Variants in CLINT1 observed in about 807,000 individuals in gnomAD.
CLINT1 encodes clathrin interacting protein localized in the trans-Golgi region.
A neutral mutation model predicts 70.4 loss-of-function variants in CLINT1; 15 were observed. The ratio of observed to expected loss-of-function variants is 0.21; its 90% CI spans 0.14 to 0.33. The LOEUF (loss-of-function observed/expected upper bound fraction) is 0.33, where lower values mean the gene tolerates loss of function less well. Among genes scored for constraint, CLINT1 ranks in the 10% least tolerant of loss-of-function variants. The pLI is 1.00. For missense variants in CLINT1, 615 were observed against 778.1 expected, an observed-to-expected ratio of 0.79 and a Z score of 2.49; for synonymous variants, 227 against 254.7, an observed-to-expected ratio of 0.89 and a Z score of 1.04.
intron 1 of CLINT1, among the ~76,000 whole-genome samples, chr5:157,823,059 T>C (rs546207432): frequency 3.9e-5 from 6 of 152,222 alleles, no homozygotes; most frequent in Non-Finnish European, 7.3e-5. Context: ...ATATTTTTTA[T>C]ATGGTTTCTC....
intron 1 of CLINT1, among the ~76,000 whole-genome samples, chr5:157,838,306 A>G (rs1002355621): frequency 2.2e-4 from 34 of 152,026 alleles, no homozygotes; most frequent in African/African-American, 8.2e-4. Context: ...TATTTTTAGT[A>G]AAGTCTGGGT....
intron 1 of CLINT1, among the ~76,000 whole-genome samples, chr5:157,831,047 AAAAC>A (rs138591407): frequency 0.13 from 20,126 of 151,394 alleles, 1,739 homozygotes; most frequent in African/African-American, 0.25. Context: ...CTGTCTCAAA[AAAAC>A]AAACAAACAA....
At chr5:157,829,619 G>A (rs1763156842) in intron 1 of CLINT1, among the ~76,000 whole-genome samples, 1 of 151,356 alleles carries the variant, frequency 6.6e-6, no homozygotes, top group South Asian at 2.1e-4. Context: ...ACCTCCCTGG[G>A]CTCAGGAGAT....
chr5:157,838,373 T>A (rs561920408), intron 1 of CLINT1, among the ~76,000 whole-genome samples: 59 of 152,230 alleles, frequency 3.9e-4, no homozygotes, highest in Non-Finnish European at 6.3e-4. Flanking sequence ...TCCACCTGCC[T>A]CGGCCTCCCA....
intron 1 of CLINT1, among the ~76,000 whole-genome samples, chr5:157,850,812 A>G (rs1753547364): frequency 6.6e-6 from 1 of 151,896 alleles, no homozygotes; most frequent in Non-Finnish European, 1.5e-5. Context: ...AAATTTTTTT[A>G]GAGACAAAGT....
chr5:157,789,952 G>A (rs1761850890), intron 10 of CLINT1: 1 of 191,008 alleles, frequency 5.2e-6, no homozygotes, highest in Admixed American at 5.4e-5. Flanking sequence ...TGTAATCCCA[G>A]CACTTTGGGA....
At chr5:157,848,525 G>C (rs1466109114) in intron 1 of CLINT1, among the ~76,000 whole-genome samples, 3 of 149,872 alleles carry the variant, frequency 2.0e-5, no homozygotes, top group Non-Finnish European at 4.4e-5. Context: ...TTTTTTTGAG[G>C]TGGAGTCTCA....
intron 1 of CLINT1, among the ~76,000 whole-genome samples, chr5:157,840,014 C>T (rs773361482): frequency 6.6e-6 from 1 of 151,610 alleles, no homozygotes; most frequent in East Asian, 1.9e-4. Flanking sequence ...CTCAGCAGTT[C>T]GAGACCAGGC....
chr5:157,828,971 G>A (rs1406781240), intron 1 of CLINT1, among the ~76,000 whole-genome samples: 3 of 150,990 alleles, frequency 2.0e-5, no homozygotes, highest in Non-Finnish European at 4.4e-5. Context: ...GCATGGTGGT[G>A]TGCTCTTGTA....
At chr5:157,795,623 C>T (rs1762042228) in intron 8 of CLINT1, 1 of 151,270 alleles carries the variant, frequency 6.6e-6, no homozygotes, top group Non-Finnish European at 1.5e-5. Flanking sequence ...CAGTACACAA[C>T]AAACAAATAA....
At chr5:157,853,536 G>A (rs1753644937) in intron 1 of CLINT1, among the ~76,000 whole-genome samples, 1 of 151,860 alleles carries the variant, frequency 6.6e-6, no homozygotes, top group African/African-American at 2.4e-5. Context: ...CAGCACTTTG[G>A]GAGTCTGAGG....
chr5:157,791,528 G>GGGA, intron 10 of CLINT1, 175 bp downstream of exon 10: 1 of 625,630 alleles, frequency 1.6e-6, no homozygotes, highest in African/African-American at 1.8e-5. Context: ...CTATGCTAGG[G>GGGA]GAGAGTATGA....
intron 1 of CLINT1, among the ~76,000 whole-genome samples, chr5:157,831,691 TC>T (rs1387640921): frequency 6.6e-5 from 9 of 136,394 alleles, no homozygotes; most frequent in Non-Finnish European, 1.1e-4. Context: ...AGTGAAAATA[TC>T]CTTTTTTTTT....
rs377420226 is a variant in CLINT1, at chr5:157,803,636, A to G, written c.1012+14T>C. On this transcript the variant is annotated intron_variant, in intron 8 of 11. Transcript: ENST00000411809. ...ACTCTCAAACCAAAAGAAAAGGCCA[A>G]TGTAGAAGCTTACCTGTTGACTGGC... 129 of 1,472,346 alleles carry G rather than the reference A, an allele frequency of 8.8e-5. No individual in the cohort carries two copies. The African/African-American group carries it at 1.4e-3, about 16-fold the overall frequency. 91.2% of individuals were successfully genotyped at this position (1,472,346 alleles called of 1,614,324 possible).
chr5:157,845,107 G>C (rs1195747238), intron 1 of CLINT1, among the ~76,000 whole-genome samples: 1 of 152,202 alleles, frequency 6.6e-6, no homozygotes, highest in Non-Finnish European at 1.5e-5. Context: ...CCAGCACTTT[G>C]GGAGGCCAAG....
At chr5:157,819,308 C>A (rs1412095567) in intron 1 of CLINT1, among the ~76,000 whole-genome samples, 4 of 152,112 alleles carry the variant, frequency 2.6e-5, no homozygotes, top group Non-Finnish European at 5.9e-5. Context: ...CTATTATTTT[C>A]TTTCAAATCT....
At chr5:157,857,577 A>AG (rs750157021) in intron 1 of CLINT1, among the ~76,000 whole-genome samples, 24 of 152,234 alleles carry the variant, frequency 1.6e-4, no homozygotes, top group Non-Finnish European at 2.9e-4. Flanking sequence ...TATTCTGTTA[A>AG]GGGCTTTATA....
intron 1 of CLINT1, among the ~76,000 whole-genome samples, chr5:157,820,522 A>G (rs560911456): frequency 8.5e-5 from 13 of 152,362 alleles, no homozygotes; most frequent in Admixed American, 5.9e-4. Flanking sequence ...AAGACAAAGT[A>G]TTTTAAGCTT....
At chr5:157,852,562 T>C (rs1195224684) in intron 1 of CLINT1, among the ~76,000 whole-genome samples, 2 of 152,240 alleles carry the variant, frequency 1.3e-5, no homozygotes, top group African/African-American at 4.8e-5. Context: ...ATAACAGTAA[T>C]AGATGTTTCA....
Sources: allele counts gnomAD v4.1 joint callset (sites outside exome capture counted in the v4.1 genomes callset), GRCh38; gene constraint gnomAD v4.1.1; transcripts MANE v1.5; gene names NCBI Gene and HGNC (gene_info 2026-07-23, HGNC 2026-07-21).